Variants in PMPCB observed in about 807,000 individuals in gnomAD.
PMPCB encodes peptidase, mitochondrial processing subunit beta, also known as mitochondrial-processing peptidase subunit beta.
A neutral mutation model predicts 61.5 loss-of-function variants in PMPCB; 46 were observed. The ratio of observed to expected loss-of-function variants is 0.75; its 90% CI spans 0.59 to 0.96. The LOEUF (loss-of-function observed/expected upper bound fraction) is 0.96. Among genes scored for constraint, PMPCB ranks in the 40% least tolerant of loss-of-function variants. PMPCB has a pLI of 0.00. For missense variants in PMPCB, 590 were observed against 602.4 expected (o/e 0.98, Z 0.22); for synonymous variants, 191 against 201.6 (o/e 0.95, Z 0.44).
At chr7:103,318,065 G>C (rs140405793), downstream of PMPCB, among the ~76,000 whole-genome samples, 573 of 152,298 alleles carry the variant, frequency 3.8e-3, 4 homozygotes, top group African/African-American at 0.014. Flanking sequence ...TCAAAGATTT[G>C]CAGTAATGGA....
chr7:103,330,402 C>G (rs1049025095), downstream of PMPCB, among the ~76,000 whole-genome samples: 5 of 152,118 alleles, frequency 3.3e-5, no homozygotes, highest in African/African-American at 9.7e-5. Context: ...ATCCTCCCAC[C>G]TCAGCCTCCC....
downstream of PMPCB, chr7:103,316,115 TGA>T: frequency 2.1e-6 from 3 of 1,413,006 alleles, no homozygotes; most frequent in Non-Finnish European, 2.9e-6. Flanking sequence ...TACAATAATA[TGA>T]ATAGTAGTAA....
chr7:103,299,654 C>T (rs568936894), intron 3 of PMPCB, 125 bp downstream of exon 3: 2 of 566,602 alleles, frequency 3.5e-6, no homozygotes, highest in South Asian at 5.3e-5. Context: ...TTTTCCAGGA[C>T]AGTATCTAAA....
At chr7:103,324,931 G>A (rs996523952) in intron 12 of PMPCB, among the ~76,000 whole-genome samples, 1 of 152,164 alleles carries the variant, frequency 6.6e-6, no homozygotes, top group Non-Finnish European at 1.5e-5. Context: ...ACAACAACCT[G>A]TAGGCCTAGC....
At chr7:103,331,200 C>T (rs575609431), downstream of PMPCB, among the ~76,000 whole-genome samples, 2 of 152,164 alleles carry the variant, frequency 1.3e-5, no homozygotes, top group East Asian at 1.9e-4. Context: ...TCAAGTGATC[C>T]GCCTGCCTCG....
chr7:103,311,917 A>G (rs369628547), intron 11 of PMPCB, 21 bp downstream of exon 11: 66 of 1,544,218 alleles, frequency 4.3e-5, no homozygotes, highest in African/African-American at 3.3e-4. Context: ...CTGAGTTACT[A>G]TTGGGTCATG....
At chr7:103,306,333 C>T (rs1295796475) in intron 6 of PMPCB, among the ~76,000 whole-genome samples, 2 of 151,052 alleles carry the variant, frequency 1.3e-5, no homozygotes, top group Non-Finnish European at 1.5e-5. Context: ...CATTTGGATA[C>T]CTATTGATGT....
chr7:103,341,731 T>C, the PMPCB span: 1 of 1,495,684 alleles, frequency 6.7e-7, no homozygotes, highest in Non-Finnish European at 9.0e-7. Flanking sequence ...TAACAAAGCA[T>C]CTGACTGAAC....
exon 13 of PMPCB, chr7:103,329,203 T>G: frequency 3.5e-6 from 1 of 286,586 alleles, no homozygotes; most frequent in Non-Finnish European, 6.7e-6. Context: ...TACATAGCAG[T>G]TGACATGTGC....
chr7:103,337,493 C>G, the PMPCB span: 1 of 366,892 alleles, frequency 2.7e-6, no homozygotes, highest in Non-Finnish European at 4.9e-6. Flanking sequence ...TATTTTGTAT[C>G]CACACACACA....
At chr7:103,326,866 G>A (rs574908956) in intron 12 of PMPCB, among the ~76,000 whole-genome samples, 1 of 152,230 alleles carries the variant, frequency 6.6e-6, no homozygotes, top group South Asian at 2.1e-4. Context: ...GATATAACTG[G>A]ACTTAACTCC....
chr7:103,305,155 A>C (rs1027737533), intron 6 of PMPCB, among the ~76,000 whole-genome samples: 1 of 152,244 alleles, frequency 6.6e-6, no homozygotes, highest in Non-Finnish European at 1.5e-5. Context: ...TTGTTCAAGC[A>C]TGGAACGGGT....
chr7:103,307,850 C>T (rs746520437), intron 7 of PMPCB, 142 bp downstream of exon 7: 19 of 581,912 alleles, frequency 3.3e-5, no homozygotes, highest in Non-Finnish European at 5.5e-5. Context: ...CATTTGCTTA[C>T]ATTCCTTCCT....
chr7:103,311,585 T>G, intron 9 of PMPCB, 58 bp from the exon 10 acceptor site: 3 of 1,210,178 alleles, frequency 2.5e-6, no homozygotes, highest in Non-Finnish European at 3.6e-6. Flanking sequence ...CATTCTTAGG[T>G]CATTAACTCA....
the PMPCB span, chr7:103,335,735 G>A: frequency 3.3e-5 from 5 of 152,060 alleles, no homozygotes; most frequent in African/African-American, 1.2e-4. Context: ...TAGTAGAGAT[G>A]GGGTTTCACC....
chr7:103,345,957 T>C, the PMPCB span, among the ~76,000 whole-genome samples: 3 of 151,254 alleles, frequency 2.0e-5, no homozygotes, highest in Admixed American at 2.0e-4. Flanking sequence ...AAAAAAAAAA[T>C]TGAACTAATC....
In PMPCB at chr7:103,312,490, C is replaced by G; in HGVS notation, c.*219C>G. ...GAAGCAGCATACTTTCAAATTATTA[C>G]CATGAGTATAATTTTAAGAATGAAA... is the stretch of plus-strand genomic sequence containing the variant. On this transcript the variant is annotated 3_prime_UTR_variant, in exon 13 of 13. Coordinates refer to ENST00000249269, the MANE Select transcript of PMPCB (RefSeq NM_004279.3). The G allele has an allele frequency of 6.4e-7, 1 of 1,566,978 alleles. No homozygotes were observed. Among genetic ancestry groups the G allele is most frequent in the Non-Finnish European group, 8.6e-7 (1 of 1,160,452 alleles).
intron 12 of PMPCB, among the ~76,000 whole-genome samples, chr7:103,323,437 AG>A (rs1818530715): frequency 6.6e-6 from 1 of 152,238 alleles, no homozygotes; most frequent in African/African-American, 2.4e-5. Context: ...GGGCCCACCT[AG>A]TTTAACTTGT....
the PMPCB span, chr7:103,336,698 G>A: frequency 1.3e-5 from 2 of 152,202 alleles, no homozygotes; most frequent in Admixed American, 1.3e-4. Flanking sequence ...CGTGGCAAAT[G>A]GACTTTTCTG....
Sources: gnomAD v4.1 joint callset for allele counts (sites outside exome capture counted in the v4.1 genomes callset) on GRCh38, gnomAD v4.1.1 for gene constraint, MANE v1.5 for transcripts, NCBI Gene and HGNC (gene_info 2026-07-23, HGNC 2026-07-21) for gene names.